TCF7L2: variants seen among roughly 807,000 people sequenced by gnomAD.
TCF7L2 encodes transcription factor 7-like 2.
Under a neutral mutation model 77.9 loss-of-function variants are expected in TCF7L2, and 23 were observed. That is an observed-to-expected ratio of 0.30 (90% CI 0.21 to 0.42). TCF7L2 has a LOEUF of 0.42. Ranked by LOEUF, TCF7L2 falls within the 10% of genes least tolerant of loss-of-function variation. The pLI, the probability that TCF7L2 is intolerant of heterozygous loss-of-function variation, is 1.00. For synonymous variants in TCF7L2, 413 were observed against 340.2 expected (o/e 1.21, Z -2.36); for missense variants, 654 against 793.1 (o/e 0.82, Z 2.11).
intron 5 of TCF7L2, among the ~76,000 whole-genome samples, chr10:113,062,176 A>G (rs963528989): frequency 6.6e-6 from 1 of 152,196 alleles, no homozygotes; most frequent in Admixed American, 6.5e-5. Context: ...GAAGGAAGCC[A>G]CTGAACCAGT....
At chr10:113,158,287 A>G (rs770420191) in intron 12 of TCF7L2, among the ~76,000 whole-genome samples, 2 of 152,258 alleles carry the variant, frequency 1.3e-5, no homozygotes, top group African/African-American at 2.4e-5. Context: ...AGCACATTGT[A>G]ATTCTAGTGG....
chr10:113,105,947 A>C (rs1257058958), intron 5 of TCF7L2, among the ~76,000 whole-genome samples: 1 of 152,254 alleles, frequency 6.6e-6, no homozygotes, highest in Non-Finnish European at 1.5e-5. Flanking sequence ...CAAAACAAAA[A>C]AATAGATTCT....
intron 5 of TCF7L2, among the ~76,000 whole-genome samples, chr10:113,052,063 T>C (rs1383511819): frequency 6.6e-6 from 1 of 152,176 alleles, no homozygotes; most frequent in Non-Finnish European, 1.5e-5. Context: ...GAGCATACAG[T>C]TGTTTATTTC....
At position 113,140,344 on chromosome 10, in the gene TCF7L2, C is replaced by G. The variant is rs76140902; in HGVS notation, c.553-840C>G. On this transcript the variant is annotated intron_variant, in intron 5 of 13. Coordinates refer to ENST00000627217, the MANE Select transcript of TCF7L2 (RefSeq NM_001146274.2). ...CATTTTTAAAATGCTTTTCTTCCCCCCACCCTGCCCTCTGCTTCTCTCCAC... is the reference window on the plus strand; with the variant it reads ...CATTTTTAAAATGCTTTTCTTCCCCGCACCCTGCCCTCTGCTTCTCTCCAC... Among the ~76,000 whole-genome samples, 1,161 of 152,154 alleles carry G rather than the reference C, an allele frequency of 7.6e-3. 5 individuals are homozygous for G. Among genetic ancestry groups the G allele is most frequent in the Non-Finnish European group, 0.013 (885 of 68,016 alleles).
In TCF7L2 at chr10:113,161,749, C is replaced by T. The variant is rs991583038; in HGVS notation, c.1391+1058C>T. 24 of 854,552 alleles carry T rather than the reference C, an allele frequency of 2.8e-5. No homozygotes were observed. The African/African-American group carries it at 2.8e-4, about 10-fold the overall frequency. 52.9% of individuals were successfully genotyped at this position (854,552 alleles called of 1,614,324 possible). A position where few individuals can be genotyped will look rare whatever the true frequency, so the allele number is the denominator to read the frequency against. The stretch of plus-strand genomic sequence containing the variant: ...CCATTACGTGCATGCCCACGAGTCT[C>T]CTGTGTCTCTTCCCCCCTTCTCTGA... On this transcript the variant is annotated intron_variant, in intron 13 of 13. Coordinates refer to ENST00000627217, the MANE Select transcript of TCF7L2 (RefSeq NM_001146274.2).
chr10:113,064,262 G>T (rs1311484915), intron 5 of TCF7L2, among the ~76,000 whole-genome samples: 1 of 152,194 alleles, frequency 6.6e-6, no homozygotes, highest in African/African-American at 2.4e-5. Flanking sequence ...GGAGAGGGAG[G>T]GGCCAGGCCC....
At chr10:112,995,703 C>T (rs999225112) in intron 4 of TCF7L2, among the ~76,000 whole-genome samples, 39 of 152,172 alleles carry the variant, frequency 2.6e-4, no homozygotes, top group African/African-American at 9.2e-4. Flanking sequence ...GTCATTCCCT[C>T]GGAGAGGCCC....
intron 4 of TCF7L2, among the ~76,000 whole-genome samples, chr10:113,005,579 C>T (rs566678224): frequency 6.6e-5 from 10 of 152,234 alleles, no homozygotes; most frequent in Admixed American, 1.3e-4. Context: ...GCTGCTTGCC[C>T]GAAGGATGCG....
intron 4 of TCF7L2, among the ~76,000 whole-genome samples, chr10:112,968,730 C>CACCACGTT (rs1182622554): frequency 6.6e-6 from 1 of 152,138 alleles, no homozygotes; most frequent in East Asian, 1.9e-4. Flanking sequence ...GGGTACCTGC[C>CACCACGTT]ACCACGTTCG....
intron 3 of TCF7L2, among the ~76,000 whole-genome samples, chr10:112,961,266 C>G (rs1014434526): frequency 3.2e-5 from 4 of 125,740 alleles, no homozygotes; most frequent in Admixed American, 7.7e-5. Flanking sequence ...CCCCCCCCCC[C>G]CAACCTCGGC....
At chr10:113,136,041 G>A (rs1373698344) in intron 5 of TCF7L2, among the ~76,000 whole-genome samples, 1 of 152,050 alleles carries the variant, frequency 6.6e-6, no homozygotes. Flanking sequence ...TAGAAGTGGG[G>A]TGGTGGAGGC....
intron 5 of TCF7L2, among the ~76,000 whole-genome samples, chr10:113,074,341 A>G (rs1591365279): frequency 6.6e-6 from 1 of 152,096 alleles, no homozygotes; most frequent in South Asian, 2.1e-4. Context: ...GGGTGGTTAG[A>G]GTTTTCTTGA....
At chr10:113,149,727 C>T (rs2070336454) in intron 8 of TCF7L2, among the ~76,000 whole-genome samples, 1 of 145,212 alleles carries the variant, frequency 6.9e-6, no homozygotes. Context: ...GATTGTTATT[C>T]CTTGGATGGT....
intron 5 of TCF7L2, among the ~76,000 whole-genome samples, chr10:113,094,007 C>A (rs1465358717): frequency 6.6e-6 from 1 of 152,220 alleles, no homozygotes; most frequent in African/African-American, 2.4e-5. Context: ...AGATGGTGCA[C>A]TCTGTCCTGA....
At chr10:113,084,908 C>G (rs371044405) in intron 5 of TCF7L2, among the ~76,000 whole-genome samples, 1 of 149,964 alleles carries the variant, frequency 6.7e-6, no homozygotes, top group African/African-American at 2.5e-5. Context: ...GCCACCCCCC[C>G]CCAAAAAAAA....
At chr10:113,039,497 G>A (rs181444385) in intron 4 of TCF7L2, among the ~76,000 whole-genome samples, 3 of 152,276 alleles carry the variant, frequency 2.0e-5, no homozygotes, top group Non-Finnish European at 2.9e-5. Flanking sequence ...CATGCTCACC[G>A]TACTCAAGTA....
Position 113,146,023 on chromosome 10 carries a change from A to G in TCF7L2, c.801A>G (p.Pro267=), listed in dbSNP as rs757004122. ...CCCTTCTTTGTAGGCAAGGTCAACC[A>G]GTGTACCCAATCACGACAGGAGGAT... Residue 267 remains proline (P), a synonymous_variant, in exon 8 of 14, where the codon CCA becomes CCG. Transcript: ENST00000627217. 6.2e-7 allele frequency: 1 copy of G among 1,600,396 alleles called. No individual in the cohort carries two copies. The highest frequency in any genetic ancestry group is 1.1e-5 in the South Asian group (1 of 90,334).
chr10:113,117,900 G>A (rs981679481), intron 5 of TCF7L2, among the ~76,000 whole-genome samples: 1 of 152,240 alleles, frequency 6.6e-6, no homozygotes, highest in South Asian at 2.1e-4. Context: ...CACCGAAGTT[G>A]CGTCGCCTCC....
intron 4 of TCF7L2, among the ~76,000 whole-genome samples, chr10:113,004,190 G>GT (rs1250878709): frequency 6.6e-6 from 1 of 152,172 alleles, no homozygotes; most frequent in Non-Finnish European, 1.5e-5. Context: ...AGTCTCCGGG[G>GT]TGTAGTGCTG....
Sources: gnomAD v4.1 joint callset for allele counts (sites outside exome capture counted in the v4.1 genomes callset) on GRCh38, gnomAD v4.1.1 for gene constraint, MANE v1.5 for transcripts, NCBI Gene and HGNC (gene_info 2026-07-23, HGNC 2026-07-21) for gene names.